Variants in PPP2R3A observed in about 807,000 individuals in gnomAD.
PPP2R3A encodes the protein protein phosphatase 2 regulatory subunit B''alpha.
Under a neutral mutation model 106.9 loss-of-function variants are expected in PPP2R3A, and 80 were observed. The ratio of observed to expected loss-of-function variants is 0.75; its 90% CI spans 0.62 to 0.90. PPP2R3A has a LOEUF of 0.90. PPP2R3A is among the 40% of genes least tolerant of loss of function. The pLI, the probability that PPP2R3A is intolerant of heterozygous loss-of-function variation, is 0.00. For missense variants in PPP2R3A, 1,386 were observed against 1,350.4 expected (o/e 1.03, Z -0.41); for synonymous variants, 483 against 468.3 (o/e 1.03, Z -0.41).
rs146608127 is a variant in PPP2R3A, at chr3:135,987,022, G to A, written c.-440-14037G>A. On this transcript the variant is annotated intron_variant, in intron 1 of 13. Transcript: ENST00000264977. ...TAATTCCAATAAAACTGCTCTTTTC[G>A]GTTATCAGTGATGTCCACATCTGTC... 3.9e-5 allele frequency among the ~76,000 whole-genome samples: 6 copies of A among 152,018 alleles called. No homozygotes were observed. The East Asian group carries it at 9.7e-4, about 25-fold the overall frequency.
At chr3:136,123,243 T>C (rs1225845867) in intron 13 of PPP2R3A, among the ~76,000 whole-genome samples, 2 of 152,264 alleles carry the variant, frequency 1.3e-5, no homozygotes, top group African/African-American at 4.8e-5. Flanking sequence ...AAAACCATAG[T>C]AATAATTAAA....
rs2107946311 is a variant in PPP2R3A at position 136,090,748 on chromosome 3, G to A, written c.2927+81G>A. On this transcript the variant is annotated intron_variant, in intron 10 of 13. Coordinates refer to ENST00000264977, the MANE Select transcript of PPP2R3A (RefSeq NM_002718.5). ...AAAGTCATGGTGTATATTATACCTA[G>A]TGAGGCCAACTCAACGTGGCAATAC... 2.7e-6 allele frequency: 3 copies of A among 1,116,922 alleles called. No individual in the cohort carries two copies. The East Asian group carries it at 7.5e-5, about 28-fold the overall frequency. The allele number at this position is 1,116,922 out of a possible 1,614,324, so 69.2% of individuals were successfully genotyped here. A position where few individuals can be genotyped will look rare whatever the true frequency, so the allele number is the denominator to read the frequency against.
intron 10 of PPP2R3A, among the ~76,000 whole-genome samples, chr3:136,100,531 T>A (rs1007658409): frequency 2.0e-5 from 3 of 149,218 alleles, no homozygotes; most frequent in African/African-American, 7.4e-5. Context: ...AAAAAAAAAT[T>A]AGTTGAGCAT....
intron 5 of PPP2R3A, among the ~76,000 whole-genome samples, chr3:136,067,755 G>A (rs1576476815): frequency 6.6e-6 from 1 of 152,192 alleles, no homozygotes; most frequent in East Asian, 1.9e-4. Context: ...TACTATTCTA[G>A]TAGTAATGGG....
intron 6 of PPP2R3A, among the ~76,000 whole-genome samples, chr3:136,077,351 A>G (rs983001944): frequency 2.6e-5 from 4 of 152,166 alleles, no homozygotes; most frequent in Admixed American, 2.0e-4. Flanking sequence ...TAGGCCTACT[A>G]TTGAGAAAGA....
At chr3:136,036,942 G>T (rs1466063603) in intron 3 of PPP2R3A, among the ~76,000 whole-genome samples, 1 of 152,242 alleles carries the variant, frequency 6.6e-6, no homozygotes, top group African/African-American at 2.4e-5. Context: ...GTACCAGGCA[G>T]TGAGCTCTGT....
chr3:136,141,079 A>G (rs969184611), intron 13 of PPP2R3A, among the ~76,000 whole-genome samples: 5 of 152,238 alleles, frequency 3.3e-5, no homozygotes, highest in Admixed American at 3.3e-4. Flanking sequence ...CTATAGCCCA[A>G]GGAAATTAGT....
Position 136,001,608 on chromosome 3 carries a change from C to G in PPP2R3A, c.110C>G (p.Thr37Ser), listed in dbSNP as rs368116683. The change falls in exon 2 of 14, where the codon ACC (threonine) becomes AGC (serine). Residue 37 changes from threonine (T) to serine (S), a missense_variant. Physicochemically the swap from Thr to Ser is moderately conservative, Grantham distance 58. Transcript: ENST00000264977. ...CATTATTGCACTGGAACCTGCCACA[C>G]CTTCACACATGGAATTGACTGCATT... ...AIHYCTGTCHTFTHGIDCIVV... is the reference protein window; with the variant it reads ...AIHYCTGTCHSFTHGIDCIVV... 2.0e-5 allele frequency: 33 copies of G among 1,614,060 alleles called. No homozygotes were observed. The highest frequency in any genetic ancestry group is 1.2e-4 in the South Asian group (11 of 91,090).
chr3:136,003,020 G>C lies in PPP2R3A; in HGVS notation c.1522G>C (p.Glu508Gln). The change falls in exon 2 of 14, where the codon GAG becomes CAG. Residue 508 changes from glutamate to glutamine, a missense_variant. Glu to Gln is a conservative substitution (Grantham distance 29). Transcript: ENST00000264977. ...TTTTACAAATTCCAGTAGCCAGGAA[G>C]AGATAGATAAATTGTTAATGGATTT... ...RDFTNSSSQEEIDKLLMDLES... is the reference protein window; with the variant it reads ...RDFTNSSSQEQIDKLLMDLES... 1 of 1,613,498 alleles carries C rather than the reference G, an allele frequency of 6.2e-7. No homozygotes were observed. The highest frequency in any genetic ancestry group is 8.5e-7 in the Non-Finnish European group (1 of 1,179,782).
chr3:136,055,577 T>C (rs755631429), intron 5 of PPP2R3A: 37 of 1,401,280 alleles, frequency 2.6e-5, no homozygotes, highest in Non-Finnish European at 3.3e-5. Flanking sequence ...AGCGGGTCTT[T>C]CTCTGCAGTA....
rs200462995 is a variant in PPP2R3A, at chr3:136,145,078, C to T, written c.3365C>T (p.Pro1122Leu). The T allele has an allele frequency of 6.3e-5, 102 of 1,613,514 alleles. No homozygotes were observed. The East Asian group carries it at 2.3e-3, about 36-fold the overall frequency. The change falls in exon 14 of 14, where the codon CCC becomes CTC. Residue 1122 changes from proline to leucine, a missense_variant. Transcript: ENST00000264977. ...EDYETDEPAS[P>L]SEFGNKSNKI... ...TATGAAACAGATGAACCTGCCTCTCCCTCTGAATTTGGAAACAAAAGCAAT... is the reference window on the plus strand; with the variant it reads ...TATGAAACAGATGAACCTGCCTCTCTCTCTGAATTTGGAAACAAAAGCAAT...
Position 136,001,849 on chromosome 3 carries a change from C to G in PPP2R3A, c.351C>G (p.Ile117Met). Residue 117 changes from isoleucine to methionine, a missense_variant, in exon 2 of 14, where the codon ATC becomes ATG. Physicochemically the swap from Ile to Met is conservative, Grantham distance 10 (BLOSUM62 1). Coordinates refer to ENST00000264977, the MANE Select transcript of PPP2R3A (RefSeq NM_002718.5). ...TAAAGGATATTGCAGGAGAAGCAAT[C>G]AGTTTTGCCAGTGGGAAAATAAAAG... ...YNLKDIAGEA[I>M]SFASGKIKEF... The G allele has an allele frequency of 6.2e-7, 1 of 1,614,100 alleles. No homozygotes were observed. Among genetic ancestry groups the G allele is most frequent in the Non-Finnish European group, 8.5e-7 (1 of 1,180,032 alleles).
chr3:136,131,879 G>A (rs962579473), intron 13 of PPP2R3A, among the ~76,000 whole-genome samples: 4 of 152,156 alleles, frequency 2.6e-5, no homozygotes, highest in East Asian at 1.9e-4. Context: ...GGATGAAGCC[G>A]AAAACCATCA....
intron 5 of PPP2R3A, among the ~76,000 whole-genome samples, chr3:136,067,612 A>G (rs1387631305): frequency 6.6e-6 from 1 of 152,234 alleles, no homozygotes; most frequent in Non-Finnish European, 1.5e-5. Flanking sequence ...AGAGATCTTC[A>G]GAAGTTCCTC....
chr3:135,995,447 ATTTTTTTT>A (rs60359404), intron 1 of PPP2R3A, among the ~76,000 whole-genome samples: 6 of 87,306 alleles, frequency 6.9e-5, no homozygotes, highest in East Asian at 3.8e-4. Flanking sequence ...ACGTTGACAG[ATTTTTTTT>A]TTTTTTTTTT....
intron 8 of PPP2R3A, among the ~76,000 whole-genome samples, chr3:136,085,414 T>C (rs1936900773): frequency 6.6e-6 from 1 of 152,146 alleles, no homozygotes; most frequent in South Asian, 2.1e-4. Flanking sequence ...CCTTTATAAA[T>C]TACCCAGTCT....
intron 13 of PPP2R3A, among the ~76,000 whole-genome samples, chr3:136,140,857 C>T (rs1245810752): frequency 6.6e-6 from 1 of 152,088 alleles, no homozygotes; most frequent in Non-Finnish European, 1.5e-5. Flanking sequence ...GTGCAGTGAG[C>T]CGAGATCACG....
intron 13 of PPP2R3A, among the ~76,000 whole-genome samples, chr3:136,132,616 A>G (rs979110619): frequency 3.9e-5 from 6 of 151,978 alleles, no homozygotes; most frequent in South Asian, 2.1e-4. Context: ...GCTGAGAGAA[A>G]TTAAAGAAGA....
intron 5 of PPP2R3A, among the ~76,000 whole-genome samples, chr3:136,062,197 C>G (rs1358827750): frequency 2.6e-5 from 4 of 152,102 alleles, no homozygotes; most frequent in Admixed American, 2.6e-4. Flanking sequence ...CTCTTTGCTT[C>G]TTAAATGGTT....
Sources: allele counts gnomAD v4.1 joint callset (sites outside exome capture counted in the v4.1 genomes callset), GRCh38; gene constraint gnomAD v4.1.1; transcripts MANE v1.5; gene names NCBI Gene and HGNC (gene_info 2026-07-23, HGNC 2026-07-21).